Variants in C1orf87 observed in about 807,000 individuals in gnomAD.
C1orf87 encodes uncharacterized protein C1orf87.
In C1orf87, 58 loss-of-function variants were observed where a neutral mutation model predicts 60.5. The observed-to-expected ratio is 0.96, with a 90% CI of 0.78 to 1.19. The LOEUF is 1.19. Ranked by LOEUF, C1orf87 falls within the 50% of genes most tolerant of loss-of-function variation. The pLI is 0.00. For missense variants in C1orf87, 673 were observed against 638.6 expected, an observed-to-expected ratio of 1.05 and a Z score of -0.58; for synonymous variants, 236 against 227.4, an observed-to-expected ratio of 1.04 and a Z score of -0.34.
At chr1:60,065,016 A>AT (rs1553130055) in intron 2 of C1orf87, among the ~76,000 whole-genome samples, 13 of 33,572 alleles carry the variant, frequency 3.9e-4, no homozygotes, top group East Asian at 1.3e-3. Context: ...ATATATATTA[A>AT]ATATATATAT....
chr1:60,031,425 C>G (rs1574310696), intron 7 of C1orf87, among the ~76,000 whole-genome samples: 1 of 152,176 alleles, frequency 6.6e-6, no homozygotes, highest in African/African-American at 2.4e-5. Context: ...GTTAAGCTTT[C>G]AGGGACGGCT....
chr1:60,040,861 G>C, intron 4 of C1orf87, 130 bp downstream of exon 4: 1 of 973,860 alleles, frequency 1.0e-6, no homozygotes, highest in Non-Finnish European at 1.4e-6. Context: ...TCAAAGTGCT[G>C]GCATTACAGG....
chr1:60,050,999 A>C (rs938536633), intron 3 of C1orf87, among the ~76,000 whole-genome samples: 1 of 152,236 alleles, frequency 6.6e-6, no homozygotes, highest in Non-Finnish European at 1.5e-5. Context: ...TAGAGCTGCT[A>C]TCTAAGTTGG....
chr1:60,043,153 G>T (rs1475044028), intron 3 of C1orf87, among the ~76,000 whole-genome samples: 2 of 152,184 alleles, frequency 1.3e-5, no homozygotes, highest in African/African-American at 4.8e-5. Flanking sequence ...AAAGGCAAAA[G>T]ATAAGCCTGG....
chr1:60,070,943 A>G (rs1645580650), intron 2 of C1orf87, among the ~76,000 whole-genome samples: 1 of 152,216 alleles, frequency 6.6e-6, no homozygotes, highest in Non-Finnish European at 1.5e-5. Context: ...AAGGCTAAAC[A>G]AATAACCTAA....
chr1:60,011,043 C>T (rs1468855722), intron 8 of C1orf87: 1 of 151,902 alleles, frequency 6.6e-6, no homozygotes, highest in African/African-American at 2.4e-5. Flanking sequence ...AAGGTTCTTT[C>T]TAGCCTTCAC....
chr1:60,024,484 G>T (rs1394534389), intron 8 of C1orf87, among the ~76,000 whole-genome samples: 2 of 152,052 alleles, frequency 1.3e-5, no homozygotes, highest in Non-Finnish European at 2.9e-5. Context: ...TCTTTCTTTT[G>T]GTGTTACCTT....
At chr1:59,991,582 T>C (rs184329296) in intron 11 of C1orf87, among the ~76,000 whole-genome samples, 2 of 152,344 alleles carry the variant, frequency 1.3e-5, no homozygotes, top group African/African-American at 4.8e-5. Flanking sequence ...GTTGGTTGAA[T>C]CTGTAGTTGC....
At chr1:60,029,637 G>GTTTTTTTTTTTTTTTTTTTTT (rs34501342) in intron 7 of C1orf87, among the ~76,000 whole-genome samples, 1 of 95,648 alleles carries the variant, frequency 1.0e-5, no homozygotes, top group Non-Finnish European at 1.9e-5. Flanking sequence ...GTCCCCCCAA[G>GTTTTTTTTTTTTTTTTTTTTT]TTTTTTTTTT....
At chr1:60,008,232 A>G (rs78035506) in intron 9 of C1orf87, among the ~76,000 whole-genome samples, 29 of 152,228 alleles carry the variant, frequency 1.9e-4, no homozygotes, top group African/African-American at 6.7e-4. Context: ...CAGACTCACA[A>G]TCACCCTATA....
At chr1:59,997,087 G>A (rs765064851) in intron 11 of C1orf87, among the ~76,000 whole-genome samples, 5 of 152,072 alleles carry the variant, frequency 3.3e-5, no homozygotes, top group South Asian at 2.1e-4. Flanking sequence ...TGGGGAGTTC[G>A]TGGGGGTTGG....
chr1:60,066,643 T>C (rs2100334260), intron 2 of C1orf87, among the ~76,000 whole-genome samples: 1 of 152,262 alleles, frequency 6.6e-6, no homozygotes, highest in African/African-American at 2.4e-5. Flanking sequence ...CTCTTGTTAA[T>C]GTTGCTATTT....
chr1:60,064,747 TA>T lies in C1orf87; in HGVS notation c.107+7789del, dbSNP rs1156340232. ...ATTTAAATATATTTAAATAGAATATTAAATATATAAATATATAATTATATTT... is the reference window on the plus strand; with the variant it reads ...ATTTAAATATATTTAAATAGAATATTAATATATAAATATATAATTATATTT... On this transcript the variant is annotated intron_variant, in intron 2 of 11. Transcript: ENST00000371201. 1.7e-4 allele frequency among the ~76,000 whole-genome samples: 16 copies of T among 92,662 alleles called. No individual in the cohort carries two copies. In the East Asian group the frequency reaches 3.1e-3, roughly 18 times the overall value. The allele number at this position is 92,662 out of a possible 152,430, so 60.8% of individuals were successfully genotyped here.
At position 60,055,338 on chromosome 1, in the gene C1orf87, T is replaced by C. The variant is rs1459260778; in HGVS notation, c.208A>G (p.Asn70Asp). 6.2e-7 allele frequency: 1 copy of C among 1,614,034 alleles called. No homozygotes were observed. Among genetic ancestry groups the C allele is most frequent in the African/African-American group, 1.3e-5 (1 of 74,912 alleles). ...TCAGTGGTTTGCTGATCAGTGAAGTTAATGGGAACTGGGGTGTCTCTGCTC... is the reference window on the plus strand; with the variant it reads ...TCAGTGGTTTGCTGATCAGTGAAGTCAATGGGAACTGGGGTGTCTCTGCTC... ...QMSRDTPVPI[N>D]FTDQQTTDNP... The change falls in exon 3 of 12, where the codon AAC becomes GAC. Residue 70 changes from asparagine (N) to aspartate (D), a missense_variant. Coordinates refer to ENST00000371201, the MANE Select transcript of C1orf87 (RefSeq NM_152377.3).
chr1:60,035,126 C>T (rs1384579060), intron 6 of C1orf87, among the ~76,000 whole-genome samples: 1 of 152,206 alleles, frequency 6.6e-6, no homozygotes, highest in African/African-American at 2.4e-5. Context: ...GACAGTCCAC[C>T]TCTCACTGTG....
chr1:59,997,159 G>A (rs1045556658), intron 11 of C1orf87, among the ~76,000 whole-genome samples: 8 of 152,126 alleles, frequency 5.3e-5, no homozygotes, highest in South Asian at 2.1e-4. Flanking sequence ...TGGCACAGGC[G>A]TGTGCGAGAC....
chr1:60,055,396 G>C lies in C1orf87; in HGVS notation c.150C>G (p.His50Gln). The change falls in exon 3 of 12, where the codon CAC (histidine) becomes CAG (glutamine). Residue 50 changes from histidine to glutamine, a missense_variant. By Grantham distance (24) the His-to-Gln change is conservative (BLOSUM62 0). Transcript: ENST00000371201. ...TTGCATTATCAGTCATTGGTTTCTG[G>C]TGCATTGTTTGGGTTTCTGTTTTCA... ...DSLKTETQTM[H>Q]QKPMTDNARQ... 6.2e-7 allele frequency: 1 copy of C among 1,614,044 alleles called. No individual in the cohort carries two copies. The highest frequency in any genetic ancestry group is 2.2e-5 in the East Asian group (1 of 44,872).
chr1:60,047,047 A>G (rs1042185910), intron 3 of C1orf87, among the ~76,000 whole-genome samples: 4 of 152,196 alleles, frequency 2.6e-5, no homozygotes, highest in African/African-American at 7.2e-5. Context: ...AGTCATATGC[A>G]TTGCTTAATT....
chr1:60,023,915 A>C (rs1645181107), intron 8 of C1orf87, among the ~76,000 whole-genome samples: 1 of 152,174 alleles, frequency 6.6e-6, no homozygotes, highest in African/African-American at 2.4e-5. Flanking sequence ...ACATTATTAC[A>C]CTGGGGTTAC....
Sources: allele counts gnomAD v4.1 joint callset (sites outside exome capture counted in the v4.1 genomes callset), GRCh38; gene constraint gnomAD v4.1.1; transcripts MANE v1.5; gene names NCBI Gene and HGNC (gene_info 2026-07-23, HGNC 2026-07-21).